The following DAP3 variants were observed in gnomAD, a reference collection of about 807,000 sequenced individuals.
DAP3 encodes small ribosomal subunit protein mS29.
Under a neutral mutation model 51.9 loss-of-function variants are expected in DAP3, and 28 were observed. That is an observed-to-expected ratio of 0.54 (90% confidence interval 0.40 to 0.74). DAP3 has a LOEUF of 0.74. Ranked by LOEUF, DAP3 falls within the 30% of genes least tolerant of loss-of-function variation. DAP3 has a pLI of 0.00. For missense variants in DAP3, 458 were observed against 483.5 expected (o/e 0.95, Z 0.49); for synonymous variants, 170 against 170.3 (o/e 1.00, Z 0.01).
intron 1 of DAP3, among the ~76,000 whole-genome samples, chr1:155,708,478 TG>T (rs1656265484): frequency 6.6e-6 from 1 of 152,136 alleles, no homozygotes; most frequent in Non-Finnish European, 1.5e-5. Flanking sequence ...TACAATGTAA[TG>T]TTTCGCAGCC....
At chr1:155,708,867 G>A (rs922883909) in intron 1 of DAP3, among the ~76,000 whole-genome samples, 1 of 151,862 alleles carries the variant, frequency 6.6e-6, no homozygotes, top group Non-Finnish European at 1.5e-5. Flanking sequence ...ACCACACCTA[G>A]CTATTTTTTT....
At chr1:155,687,951 T>C (rs540187469), upstream of DAP3, 3 of 1,189,802 alleles carry the variant, frequency 2.5e-6, no homozygotes, top group African/African-American at 1.5e-5. Context: ...CTCCCCCATC[T>C]TCACCACTGC....
At chr1:155,732,942 T>C (rs1314625044) in intron 11 of DAP3, among the ~76,000 whole-genome samples, 1 of 152,172 alleles carries the variant, frequency 6.6e-6, no homozygotes, top group African/African-American at 2.4e-5. Context: ...GAGAATCGCT[T>C]GAACCCGGGA....
upstream of DAP3, chr1:155,688,716 C>T: frequency 1.2e-5 from 19 of 1,520,476 alleles, no homozygotes; most frequent in Non-Finnish European, 1.7e-5. Flanking sequence ...CCCCTCCCTC[C>T]CCGCCCGCAC....
chr1:155,688,833 C>A, upstream of DAP3: 1 of 1,580,432 alleles, frequency 6.3e-7, no homozygotes, highest in East Asian at 2.3e-5. Context: ...TTCCTGGCGG[C>A]TGCAGGGGCA....
At chr1:155,735,298 G>A (rs1659653674) in intron 11 of DAP3, among the ~76,000 whole-genome samples, 2 of 151,334 alleles carry the variant, frequency 1.3e-5, no homozygotes, top group South Asian at 4.2e-4. Flanking sequence ...TCCTTGGGCC[G>A]GGCGCAGTGG....
At chr1:155,688,839 G>T, upstream of DAP3, 1 of 1,586,774 alleles carries the variant, frequency 6.3e-7, no homozygotes, top group East Asian at 2.3e-5. Flanking sequence ...GCGGCTGCAG[G>T]GGCAGGAGAG....
chr1:155,696,997 A>G (rs1215664168), intron 1 of DAP3, among the ~76,000 whole-genome samples: 2 of 152,362 alleles, frequency 1.3e-5, no homozygotes, highest in Middle Eastern at 3.4e-3. Context: ...CAAGTCGGTC[A>G]GCATGCACCA....
intron 6 of DAP3, 111 bp downstream of exon 6, chr1:155,726,130 T>G (rs577241111): frequency 1.9e-3 from 1,706 of 879,854 alleles, no homozygotes; most frequent in Non-Finnish European, 2.4e-3. Flanking sequence ...TTTTTTTTTT[T>G]GAGATGGAGT....
intron 1 of DAP3, among the ~76,000 whole-genome samples, chr1:155,696,702 TCTAA>T (rs1198242285): frequency 1.3e-5 from 2 of 152,260 alleles, no homozygotes; most frequent in African/African-American, 4.8e-5. Flanking sequence ...GAAATTGATC[TCTAA>T]CTAGCTGGAT....
intron 1 of DAP3, among the ~76,000 whole-genome samples, chr1:155,699,132 A>G (rs187251881): frequency 9.9e-4 from 151 of 152,306 alleles, no homozygotes; most frequent in African/African-American, 3.4e-3. Context: ...TGGTCTCTAC[A>G]CTATTTATTG....
intron 10 of DAP3, 171 bp downstream of exon 10, chr1:155,731,586 A>C: frequency 3.0e-6 from 2 of 663,130 alleles, no homozygotes; most frequent in Admixed American, 3.1e-5. Context: ...GTCTGAATTA[A>C]AATCTATATA....
intron 11 of DAP3, among the ~76,000 whole-genome samples, chr1:155,736,426 T>G (rs644853): frequency 0.51 from 78,121 of 151,910 alleles, 21,704 homozygotes; most frequent in African/African-American, 0.73. Context: ...GCCTTTTTTT[T>G]TGTGTGTGTA....
chr1:155,704,668 G>A (rs1655722326), intron 1 of DAP3, among the ~76,000 whole-genome samples: 1 of 152,128 alleles, frequency 6.6e-6, no homozygotes, highest in South Asian at 2.1e-4. Flanking sequence ...ACTGAGTTTA[G>A]GAGTGCTTTG....
chr1:155,708,702 T>G (rs1461438785), intron 1 of DAP3, among the ~76,000 whole-genome samples: 4 of 130,380 alleles, frequency 3.1e-5, no homozygotes, highest in African/African-American at 5.8e-5. Context: ...TCCTGACTAA[T>G]TTTTTTTTTT....
intron 9 of DAP3, among the ~76,000 whole-genome samples, chr1:155,729,907 C>A (rs1195922235): frequency 2.6e-5 from 4 of 151,746 alleles, no homozygotes; most frequent in Admixed American, 6.6e-5. Context: ...CATGGAGAAA[C>A]CCATCTCTAC....
At chr1:155,702,384 A>G (rs896209645) in intron 1 of DAP3, among the ~76,000 whole-genome samples, 4 of 151,214 alleles carry the variant, frequency 2.6e-5, no homozygotes, top group African/African-American at 9.7e-5. Flanking sequence ...GAGGCAGGAG[A>G]GTGGCGTGAA....
intron 9 of DAP3, among the ~76,000 whole-genome samples, chr1:155,729,858 G>A (rs547097392): frequency 1.3e-5 from 2 of 151,992 alleles, no homozygotes; most frequent in African/African-American, 2.4e-5. Context: ...TGAGGCGGGC[G>A]GATCACCTGA....
chr1:155,709,862 C>T (rs758926936), intron 2 of DAP3, 38 bp downstream of exon 2: 2 of 1,582,672 alleles, frequency 1.3e-6, no homozygotes, highest in Non-Finnish European at 8.6e-7. Flanking sequence ...GTGCATACTG[C>T]CTTTAGGTTC....
Sources: gnomAD v4.1 joint callset for allele counts (sites outside exome capture counted in the v4.1 genomes callset) on GRCh38, gnomAD v4.1.1 for gene constraint, MANE v1.5 for transcripts, NCBI Gene and HGNC (gene_info 2026-07-23, HGNC 2026-07-21) for gene names.